Variants in NTRK2 observed in about 807,000 individuals in gnomAD.
The protein encoded by NTRK2 is BDNF/NT-3 growth factors receptor.
NTRK2 carries 13 observed loss-of-function variants against 94.5 expected under a neutral mutation model. The observed-to-expected ratio is 0.14, with a 90% CI of 0.09 to 0.22. The LOEUF is 0.22. NTRK2 is among the 10% of genes least tolerant of loss of function. The pLI is 1.00. For synonymous variants in NTRK2, 372 were observed against 407.4 expected (o/e 0.91, Z 1.05); for missense variants, 639 against 1,071.2 (o/e 0.60, Z 5.63).
chr9:84,695,639 A>G (rs2060329921), intron 2 of NTRK2, among the ~76,000 whole-genome samples: 1 of 152,208 alleles, frequency 6.6e-6, no homozygotes, highest in South Asian at 2.1e-4. Context: ...AATAGCATGT[A>G]CTGTGTTTAT....
At chr9:84,964,515 G>A (rs1825330578) in intron 17 of NTRK2, among the ~76,000 whole-genome samples, 1 of 152,156 alleles carries the variant, frequency 6.6e-6, no homozygotes, top group African/African-American at 2.4e-5. Flanking sequence ...ACTCAGCTCG[G>A]TATTCAACGG....
intron 12 of NTRK2, among the ~76,000 whole-genome samples, chr9:84,846,430 T>G (rs57656078): frequency 0.14 from 22,033 of 152,200 alleles, 1,649 homozygotes; most frequent in Admixed American, 0.18. Context: ...ATTTTTTCCT[T>G]TTACAGTCAG....
intron 14 of NTRK2, among the ~76,000 whole-genome samples, chr9:84,924,231 GAAAGAA>G (rs201818380): frequency 3.1e-5 from 1 of 32,024 alleles, no homozygotes; most frequent in Non-Finnish European, 7.0e-5. Context: ...AAAGAAAGTA[GAAAGAA>G]AGAAAGAAAG....
At chr9:84,969,014 T>C (rs1272625999) in intron 17 of NTRK2, among the ~76,000 whole-genome samples, 1 of 152,222 alleles carries the variant, frequency 6.6e-6, no homozygotes, top group Non-Finnish European at 1.5e-5. Context: ...TTTCGTTTTC[T>C]TCATGTCTCC....
At chr9:84,895,591 A>G (rs1322139502) in intron 14 of NTRK2, among the ~76,000 whole-genome samples, 1 of 152,144 alleles carries the variant, frequency 6.6e-6, no homozygotes, top group Non-Finnish European at 1.5e-5. Context: ...ACCGGTTCTT[A>G]TTATCTTTTT....
rs2118019831 is a variant in NTRK2 at position 85,021,416 on chromosome 9, C to G, written c.2496C>G (p.Val832=). ...LLQNLAKASP[V]YLDILG ...AGAACTTGGCCAAGGCATCTCCGGT[C>G]TACCTGGACATTCTAGGCTAGGGCC... is the stretch of plus-strand genomic sequence containing the variant. The change falls in exon 19 of 19, where the codon GTC becomes GTG. Residue 832 remains valine, a synonymous_variant. Coordinates refer to ENST00000277120, the MANE Select transcript of NTRK2 (RefSeq NM_006180.6). The G allele has an allele frequency of 6.2e-7, 1 of 1,614,192 alleles. No individual in the cohort carries two copies. Among genetic ancestry groups the G allele is most frequent in the Non-Finnish European group, 8.5e-7 (1 of 1,180,028 alleles).
intron 2 of NTRK2, among the ~76,000 whole-genome samples, chr9:84,688,342 A>G (rs907202256): frequency 1.3e-5 from 2 of 152,132 alleles, no homozygotes; most frequent in African/African-American, 2.4e-5. Flanking sequence ...CTTTTGTGCT[A>G]TGACGATGAT....
intron 11 of NTRK2, 86 bp from the exon 12 acceptor site, chr9:84,751,900 C>A: frequency 2.9e-6 from 3 of 1,017,954 alleles, no homozygotes; most frequent in Non-Finnish European, 4.7e-6. Context: ...CTGCCTGTAT[C>A]ATTATCATCG....
intron 17 of NTRK2, among the ~76,000 whole-genome samples, chr9:84,955,928 G>A (rs112468459): frequency 9.9e-5 from 15 of 152,264 alleles, no homozygotes; most frequent in African/African-American, 2.4e-4. Context: ...GGTTATCAAC[G>A]TATAAATTTT....
At position 84,756,614 on chromosome 9, in the gene NTRK2, G is replaced by T. The variant is rs536744575; in HGVS notation, c.1396+4529G>T. On this transcript the variant is annotated intron_variant, in intron 12 of 18. Coordinates refer to ENST00000277120, the MANE Select transcript of NTRK2 (RefSeq NM_006180.6). Reference sequence around the variant, plus strand: ...ATTCCTAAGTACTAATGCAGCCTTTGTCACTCAAGAGTGAAATATCTAAAT... The same window carrying T: ...ATTCCTAAGTACTAATGCAGCCTTTTTCACTCAAGAGTGAAATATCTAAAT... 2.6e-5 allele frequency among the ~76,000 whole-genome samples: 4 copies of T among 152,196 alleles called. No homozygotes were observed. The South Asian group carries it at 8.3e-4, about 31-fold the overall frequency.
At chr9:84,959,451 C>A (rs1468321938) in intron 17 of NTRK2, among the ~76,000 whole-genome samples, 1 of 152,194 alleles carries the variant, frequency 6.6e-6, no homozygotes, top group Non-Finnish European at 1.5e-5. Context: ...GGCTTATAAG[C>A]AGCCTTGAGG....
chr9:85,022,637 C>G lies in NTRK2; in HGVS notation c.*1200C>G, dbSNP rs1832838764. 1 of 233,170 alleles carries G rather than the reference C, an allele frequency of 4.3e-6. No individual in the cohort carries two copies. The highest frequency in any genetic ancestry group is 8.5e-6 in the Non-Finnish European group (1 of 118,050). 14.4% of individuals were successfully genotyped at this position (233,170 alleles called of 1,614,324 possible). A position where few individuals can be genotyped will look rare whatever the true frequency, so the allele number is the denominator to read the frequency against. ...CTGTGCAAGCAAAATTGTGCATGGT[C>G]TTCGTCGATTAATACCTTGTGTGCA... is the stretch of plus-strand genomic sequence containing the variant. On this transcript the variant is annotated 3_prime_UTR_variant, in exon 19 of 19. Coordinates refer to ENST00000277120, the MANE Select transcript of NTRK2 (RefSeq NM_006180.6).
chr9:84,945,404 G>A (rs542200243), intron 15 of NTRK2, among the ~76,000 whole-genome samples: 12 of 152,116 alleles, frequency 7.9e-5, no homozygotes, highest in East Asian at 1.9e-4. Flanking sequence ...ACACCATTAC[G>A]CAAGTGCAAG....
At chr9:84,883,136 A>G (rs1456973180) in intron 14 of NTRK2, among the ~76,000 whole-genome samples, 1 of 152,214 alleles carries the variant, frequency 6.6e-6, no homozygotes, top group Non-Finnish European at 1.5e-5. Context: ...GAGTGGCTAG[A>G]GGTGAGGCCA....
chr9:84,670,615 G>T lies in NTRK2; in HGVS notation c.-134G>T. On this transcript the variant is annotated 5_prime_UTR_variant, in exon 2 of 19. Transcript: ENST00000277120. Reference sequence around the variant, plus strand: ...GACCAGCTCAGCCTCTGATAAGCTGGACTCGGCACGCCCGCAACAAGCACC... The same window carrying T: ...GACCAGCTCAGCCTCTGATAAGCTGTACTCGGCACGCCCGCAACAAGCACC... 4 of 874,678 alleles carry T rather than the reference G, an allele frequency of 4.6e-6. No individual in the cohort carries two copies. The highest frequency in any genetic ancestry group is 1.4e-5 in the South Asian group (1 of 69,604). 54.2% of individuals were successfully genotyped at this position (874,678 alleles called of 1,614,324 possible). A position where few individuals can be genotyped will look rare whatever the true frequency, so the allele number is the denominator to read the frequency against.
At chr9:84,944,533 C>T (rs749113797) in intron 15 of NTRK2, among the ~76,000 whole-genome samples, 1 of 152,188 alleles carries the variant, frequency 6.6e-6, no homozygotes. Flanking sequence ...GGGCCAGTAC[C>T]TTTTCCAACT....
At chr9:84,812,936 T>A (rs1013577562) in intron 12 of NTRK2, 3 of 1,032,744 alleles carry the variant, frequency 2.9e-6, no homozygotes, top group Non-Finnish European at 3.5e-6. Context: ...TTATTTCATA[T>A]AGTTCTCGTG....
At chr9:84,726,139 T>C (rs2062434161) in intron 8 of NTRK2, among the ~76,000 whole-genome samples, 1 of 152,218 alleles carries the variant, frequency 6.6e-6, no homozygotes, top group African/African-American at 2.4e-5. Context: ...CTCTGAAAAA[T>C]TGACCTTATC....
chr9:84,824,308 G>A (rs551441090), intron 12 of NTRK2, among the ~76,000 whole-genome samples: 150 of 152,298 alleles, frequency 9.8e-4, no homozygotes, highest in African/African-American at 3.5e-3. Flanking sequence ...AGCAATCTGT[G>A]GCTCTCCCTA....
Sources: gnomAD v4.1 joint callset for allele counts (sites outside exome capture counted in the v4.1 genomes callset) on GRCh38, gnomAD v4.1.1 for gene constraint, MANE v1.5 for transcripts, NCBI Gene and HGNC (gene_info 2026-07-23, HGNC 2026-07-21) for gene names.